Variants in EPHA5 observed in about 807,000 individuals in gnomAD.
The protein encoded by EPHA5 is ephrin type-A receptor 5.
A neutral mutation model predicts 105.0 loss-of-function variants in EPHA5; 60 were observed. The observed-to-expected ratio is 0.57, with a 90% CI of 0.46 to 0.71. EPHA5 has a LOEUF of 0.71. Among genes scored for constraint, EPHA5 ranks in the 30% least tolerant of loss-of-function variants. EPHA5 has a pLI of 0.00. For missense variants in EPHA5, 1,218 were observed against 1,274.7 expected (o/e 0.96, Z 0.68); for synonymous variants, 513 against 449.1 (o/e 1.14, Z -1.80).
At chr4:65,441,776 GA>G (rs1375350888) in intron 5 of EPHA5, among the ~76,000 whole-genome samples, 3 of 151,720 alleles carry the variant, frequency 2.0e-5, no homozygotes, top group Admixed American at 6.6e-5. Flanking sequence ...GAAGGTATCA[GA>G]AAAAAAATTC....
intron 5 of EPHA5, among the ~76,000 whole-genome samples, chr4:65,428,180 T>C (rs151101239): frequency 1.4e-3 from 207 of 152,184 alleles, no homozygotes; most frequent in Non-Finnish European, 2.1e-3. Flanking sequence ...TTTCCTAAAG[T>C]AAATGAGAAT....
intron 3 of EPHA5, among the ~76,000 whole-genome samples, chr4:65,523,125 AT>A (rs1261044999): frequency 6.6e-6 from 1 of 151,944 alleles, no homozygotes; most frequent in East Asian, 1.9e-4. Context: ...GATATATATT[AT>A]TTAATGTATG....
chr4:65,521,881 C>T (rs537747901), intron 3 of EPHA5, among the ~76,000 whole-genome samples: 1 of 152,152 alleles, frequency 6.6e-6, no homozygotes, highest in African/African-American at 2.4e-5. Flanking sequence ...GCAAGTTCAG[C>T]AGCAGCTGTT....
intron 8 of EPHA5, among the ~76,000 whole-genome samples, chr4:65,395,715 A>G (rs1721161884): frequency 6.6e-6 from 1 of 152,242 alleles, no homozygotes; most frequent in Admixed American, 6.5e-5. Flanking sequence ...TGATTTGAAC[A>G]TGATCATGAC....
intron 3 of EPHA5, among the ~76,000 whole-genome samples, chr4:65,597,487 AG>A (rs1019531197): frequency 1.5e-4 from 19 of 127,648 alleles, no homozygotes; most frequent in African/African-American, 6.0e-4. Context: ...ATGAGTCTTA[AG>A]GGGAAAAAAA....
intron 8 of EPHA5, among the ~76,000 whole-genome samples, chr4:65,389,555 C>A (rs943820576): frequency 6.6e-6 from 1 of 151,940 alleles, no homozygotes; most frequent in Non-Finnish European, 1.5e-5. Context: ...AGCTACATGA[C>A]TTCAATTGAA....
intron 5 of EPHA5, among the ~76,000 whole-genome samples, chr4:65,449,531 C>G (rs1329480849): frequency 1.3e-5 from 2 of 152,054 alleles, no homozygotes; most frequent in Non-Finnish European, 2.9e-5. Flanking sequence ...ATCAAACAGT[C>G]TTATAGTGGA....
intron 5 of EPHA5, among the ~76,000 whole-genome samples, chr4:65,438,200 CATTT>C (rs1233456564): frequency 2.0e-5 from 3 of 151,902 alleles, no homozygotes; most frequent in Non-Finnish European, 4.4e-5. Context: ...TAAACTCATT[CATTT>C]AATGACTAAA....
At chr4:65,586,886 A>G (rs4458506) in intron 3 of EPHA5, among the ~76,000 whole-genome samples, 57,347 of 151,888 alleles carry the variant, frequency 0.38, 11,369 homozygotes, top group African/African-American at 0.5. Context: ...TATTTTTTCT[A>G]AAACAGTTCT....
intron 3 of EPHA5, among the ~76,000 whole-genome samples, chr4:65,540,080 C>T (rs1736672440): frequency 7.3e-6 from 1 of 136,744 alleles, no homozygotes; most frequent in Admixed American, 7.3e-5. Context: ...AAAGTCAGCA[C>T]CATGCATGAA....
At chr4:65,351,050 A>G (rs1246001524) in intron 13 of EPHA5, among the ~76,000 whole-genome samples, 1 of 148,756 alleles carries the variant, frequency 6.7e-6, no homozygotes, top group Non-Finnish European at 1.5e-5. Context: ...TATATATATA[A>G]CCTTTAATGT....
chr4:65,638,622 C>G (rs1030795597), intron 2 of EPHA5, among the ~76,000 whole-genome samples: 3 of 152,066 alleles, frequency 2.0e-5, no homozygotes, highest in Non-Finnish European at 4.4e-5. Context: ...GCCTGTAATC[C>G]CAGCTACTCG....
chr4:65,538,022 A>T (rs1736456928), intron 3 of EPHA5, among the ~76,000 whole-genome samples: 1 of 151,780 alleles, frequency 6.6e-6, no homozygotes, highest in Non-Finnish European at 1.5e-5. Context: ...ATTTTAGAAA[A>T]ATAAAATAAC....
intron 2 of EPHA5, among the ~76,000 whole-genome samples, chr4:65,619,911 T>C (rs1745562605): frequency 6.6e-6 from 1 of 151,440 alleles, no homozygotes; most frequent in Non-Finnish European, 1.5e-5. Context: ...ATCTTCAATA[T>C]TTTGTTTTAA....
intron 2 of EPHA5, among the ~76,000 whole-genome samples, chr4:65,628,573 A>G (rs1450607676): frequency 1.3e-5 from 2 of 152,276 alleles, no homozygotes; most frequent in South Asian, 2.1e-4. Context: ...AATAAACGTT[A>G]TAAGATGAGA....
intron 7 of EPHA5, among the ~76,000 whole-genome samples, chr4:65,412,650 G>A (rs1560509938): frequency 1.3e-5 from 2 of 152,060 alleles, no homozygotes; most frequent in Admixed American, 6.6e-5. Flanking sequence ...AACAGTGGGA[G>A]ATATTTCTTT....
intron 1 of EPHA5, among the ~76,000 whole-genome samples, chr4:65,655,498 G>A (rs1748977647): frequency 6.6e-6 from 1 of 152,046 alleles, no homozygotes; most frequent in Non-Finnish European, 1.5e-5. Context: ...CTATTACACA[G>A]CTGTATTTTG....
At chr4:65,336,273 A>C (rs544707647) in intron 14 of EPHA5, 148 bp from the exon 15 acceptor site, 9 of 471,514 alleles carry the variant, frequency 1.9e-5, no homozygotes, top group Non-Finnish European at 3.1e-5. Context: ...ATCCACGGCT[A>C]TTTCCATTTG....
intron 1 of EPHA5, among the ~76,000 whole-genome samples, chr4:65,645,775 T>C (rs1406340647): frequency 6.6e-6 from 1 of 152,108 alleles, no homozygotes; most frequent in African/African-American, 2.4e-5. Flanking sequence ...AATCTTACAG[T>C]GATATGGTCA....
Sources: allele counts gnomAD v4.1 joint callset (sites outside exome capture counted in the v4.1 genomes callset), GRCh38; gene constraint gnomAD v4.1.1; transcripts MANE v1.5; gene names NCBI Gene and HGNC (gene_info 2026-07-23, HGNC 2026-07-21).